KCNIP1: variants seen among roughly 807,000 people sequenced by gnomAD.
The protein encoded by KCNIP1 is potassium voltage-gated channel interacting protein 1, also known as A-type potassium channel modulatory protein KCNIP1.
Under a neutral mutation model 33.0 loss-of-function variants are expected in KCNIP1, and 18 were observed. The ratio of observed to expected loss-of-function variants is 0.55; its 90% CI spans 0.38 to 0.81. The LOEUF (loss-of-function observed/expected upper bound fraction) is 0.81. Among genes scored for constraint, KCNIP1 ranks in the 30% least tolerant of loss-of-function variants. KCNIP1 has a pLI of 0.00. For missense variants in KCNIP1, 238 were observed against 271.6 expected, an observed-to-expected ratio of 0.88 and a Z score of 0.87; for synonymous variants, 93 against 98.3, an observed-to-expected ratio of 0.95 and a Z score of 0.32.
intron 1 of KCNIP1, among the ~76,000 whole-genome samples, chr5:170,630,808 G>T (rs1376586236): frequency 6.6e-6 from 1 of 152,184 alleles, no homozygotes; most frequent in East Asian, 1.9e-4. Flanking sequence ...TGTCTTGAAG[G>T]TCTAATTCCA....
At chr5:170,429,492 G>A (rs1446500592) in intron 1 of KCNIP1, among the ~76,000 whole-genome samples, 2 of 151,994 alleles carry the variant, frequency 1.3e-5, no homozygotes, top group East Asian at 1.9e-4. Context: ...AATTTATGGG[G>A]GACATCTGCA....
At chr5:170,528,264 G>T (rs1360141117) in intron 1 of KCNIP1, among the ~76,000 whole-genome samples, 1 of 152,160 alleles carries the variant, frequency 6.6e-6, no homozygotes, top group Non-Finnish European at 1.5e-5. Flanking sequence ...CAGCCCCTTT[G>T]TTCAAGGAGG....
At chr5:170,367,447 G>GGAAAGAAAGGAAA (rs1763723178) in intron 1 of KCNIP1, among the ~76,000 whole-genome samples, 2 of 142,872 alleles carry the variant, frequency 1.4e-5, no homozygotes, top group African/African-American at 5.5e-5. Flanking sequence ...AGGAAAGAAA[G>GGAAAGAAAGGAAA]GAAAGAAAGA....
intron 1 of KCNIP1, among the ~76,000 whole-genome samples, chr5:170,381,832 A>C (rs562467137): frequency 2.3e-4 from 35 of 152,274 alleles, no homozygotes; most frequent in Non-Finnish European, 8.8e-5. Flanking sequence ...CATTGGGATA[A>C]ATCAAGGGCT....
Position 170,685,054 on chromosome 5 carries a change from C to T in KCNIP1, c.62-33704C>T, listed in dbSNP as rs553333183. ...TTATAATGCTCCCAGAACATACCTC[C>T]TTCAAGGTAAATGGGAATGGTAACC... On this transcript the variant is annotated intron_variant, in intron 1 of 7. Coordinates refer to ENST00000328939, the MANE Select transcript of KCNIP1 (RefSeq NM_014592.4). 1.4e-4 allele frequency among the ~76,000 whole-genome samples: 21 copies of T among 152,224 alleles called. No individual in the cohort carries two copies. In the South Asian group the frequency reaches 3.7e-3, roughly 27 times the overall value.
chr5:170,459,226 C>T (rs189008537), intron 1 of KCNIP1, among the ~76,000 whole-genome samples: 19 of 152,138 alleles, frequency 1.2e-4, no homozygotes, highest in African/African-American at 1.9e-4. Context: ...ATGAGATAGA[C>T]GGCAACACAG....
intron 1 of KCNIP1, among the ~76,000 whole-genome samples, chr5:170,629,538 T>A (rs1759970035): frequency 1.3e-5 from 2 of 152,042 alleles, no homozygotes; most frequent in African/African-American, 4.8e-5. Context: ...GATGCCTGGG[T>A]CCCCCACCCC....
rs769109744 is a variant in KCNIP1 at position 170,504,660 on chromosome 5, CCT to C, written c.61+28_61+29del. On this transcript the variant is annotated intron_variant, in intron 1 of 7. Coordinates refer to ENST00000328939, the MANE Select transcript of KCNIP1 (RefSeq NM_014592.4). This position sits in a 1 kb window ranked among gnomAD's most constrained non-coding sequence, Gnocchi z 6.0. Reference sequence around the variant, plus strand: ...TAAGCCACCTTCTTCCTTTTGTTCCCCTGTCTGGGCTTGGGGGTGCTAGGCGC... The same window carrying C: ...TAAGCCACCTTCTTCCTTTTGTTCCCGTCTGGGCTTGGGGGTGCTAGGCGC... 163 of 1,598,882 alleles carry C rather than the reference CCT, an allele frequency of 1.0e-4. No homozygotes were observed. The highest frequency in any genetic ancestry group is 1.3e-4 in the Non-Finnish European group (153 of 1,166,626).
chr5:170,663,931 C>G (rs1167639420), intron 1 of KCNIP1, among the ~76,000 whole-genome samples: 1 of 152,102 alleles, frequency 6.6e-6, no homozygotes, highest in Non-Finnish European at 1.5e-5. Context: ...CTCCTCAATC[C>G]TATCTGCACC....
intron 1 of KCNIP1, among the ~76,000 whole-genome samples, chr5:170,599,633 AGGGGTGGG>A: frequency 2.1e-5 from 1 of 47,618 alleles, no homozygotes; most frequent in South Asian, 6.4e-4. Context: ...TGATGGACCT[AGGGGTGGG>A]GAAGAGCGAG....
chr5:170,686,772 G>C (rs1762548419), intron 1 of KCNIP1, among the ~76,000 whole-genome samples: 1 of 152,216 alleles, frequency 6.6e-6, no homozygotes, highest in Non-Finnish European at 1.5e-5. Flanking sequence ...ACAGCCATGT[G>C]CTTAGTATAT....
In KCNIP1 at chr5:170,557,095, C is replaced by T. The variant is rs143978236; in HGVS notation, c.61+52462C>T. On this transcript the variant is annotated intron_variant, in intron 1 of 7. Transcript: ENST00000328939. ...TGAAGCTAAGCCTTCTCCCATGCTC[C>T]AGTCCCAGCTCTGCCACTTACTAAC... is the stretch of plus-strand genomic sequence containing the variant. Among the ~76,000 whole-genome samples, 249 of 152,318 alleles carry T rather than the reference C, an allele frequency of 1.6e-3. 2 individuals are homozygous for T. Among genetic ancestry groups the T allele is most frequent in the African/African-American group, 5.5e-3 (228 of 41,568 alleles).
intron 1 of KCNIP1, chr5:170,483,812 C>A (rs755573645): frequency 1.3e-5 from 2 of 152,198 alleles, no homozygotes; most frequent in Non-Finnish European, 2.9e-5. Context: ...AGGGAGCTTT[C>A]AGTCTACTGG....
chr5:170,579,272 C>G (rs1197530879), intron 1 of KCNIP1, among the ~76,000 whole-genome samples: 2 of 152,260 alleles, frequency 1.3e-5, no homozygotes, highest in East Asian at 3.9e-4. Context: ...GCATAGGAAA[C>G]ACCTGTTGAG....
At chr5:170,512,873 C>T (rs919898914) in intron 1 of KCNIP1, among the ~76,000 whole-genome samples, 6 of 152,132 alleles carry the variant, frequency 3.9e-5, no homozygotes, top group African/African-American at 7.2e-5. Context: ...CACGGTGAAA[C>T]CCCGTCTCTA....
intron 1 of KCNIP1, among the ~76,000 whole-genome samples, chr5:170,646,512 G>A (rs1760795449): frequency 6.6e-6 from 1 of 152,156 alleles, no homozygotes. Flanking sequence ...ATAAACAGAT[G>A]TGGAAAAAGC....
intron 1 of KCNIP1, among the ~76,000 whole-genome samples, chr5:170,692,371 C>T (rs902328889): frequency 1.3e-5 from 2 of 152,130 alleles, no homozygotes; most frequent in African/African-American, 4.8e-5. Flanking sequence ...AATAAATCCC[C>T]CAGGCTTGGA....
intron 1 of KCNIP1, among the ~76,000 whole-genome samples, chr5:170,428,996 C>T (rs1755680127): frequency 6.6e-6 from 1 of 152,058 alleles, no homozygotes; most frequent in South Asian, 2.1e-4. Flanking sequence ...AGAACTTTTC[C>T]CATTAAATCA....
chr5:170,545,147 G>A (rs1388920769), intron 1 of KCNIP1, among the ~76,000 whole-genome samples: 1 of 152,128 alleles, frequency 6.6e-6, no homozygotes, highest in Non-Finnish European at 1.5e-5. Context: ...ATTTTTTGCT[G>A]TGTATATAAC....
Sources: allele counts gnomAD v4.1 joint callset (sites outside exome capture counted in the v4.1 genomes callset), GRCh38; gene constraint gnomAD v4.1.1; non-coding constraint Gnocchi (gnomAD v3.1); transcripts MANE v1.5; gene names NCBI Gene and HGNC (gene_info 2026-07-23, HGNC 2026-07-21).